The following CTNNA1 variants were observed in gnomAD, a reference collection of about 807,000 sequenced individuals.
CTNNA1 encodes the protein catenin alpha-1.
A neutral mutation model predicts 98.4 loss-of-function variants in CTNNA1; 37 were observed. The ratio of observed to expected loss-of-function variants is 0.38; its 90% CI spans 0.29 to 0.49. CTNNA1 has a LOEUF of 0.49. Ranked by LOEUF, CTNNA1 falls within the 20% of genes least tolerant of loss-of-function variation. The pLI, the probability that CTNNA1 is intolerant of heterozygous loss-of-function variation, is 0.95. For synonymous variants in CTNNA1, 404 were observed against 413.2 expected (o/e 0.98, Z 0.27); for missense variants, 761 against 1,147.2 (o/e 0.66, Z 4.86).
intron 3 of CTNNA1, among the ~76,000 whole-genome samples, chr5:138,788,696 T>C (rs1474579881): frequency 6.6e-6 from 1 of 152,196 alleles, no homozygotes; most frequent in Non-Finnish European, 1.5e-5. Context: ...AGAAGCCTCT[T>C]AAGCCGGATA....
chr5:138,834,515 T>TA (rs1761587085), intron 7 of CTNNA1, among the ~76,000 whole-genome samples: 2 of 152,182 alleles, frequency 1.3e-5, no homozygotes, highest in African/African-American at 4.8e-5. Context: ...CAAAAATACA[T>TA]ATACACACAG....
intron 5 of CTNNA1, among the ~76,000 whole-genome samples, chr5:138,812,741 A>T (rs191177249): frequency 8.8e-4 from 134 of 152,068 alleles, no homozygotes; most frequent in African/African-American, 3.2e-3. Context: ...ACTGTTTCTT[A>T]TTGTTATTAG....
intron 7 of CTNNA1, among the ~76,000 whole-genome samples, chr5:138,881,753 A>G (rs1399469029): frequency 1.4e-5 from 2 of 138,822 alleles, no homozygotes; most frequent in Non-Finnish European, 3.2e-5. Context: ...AAATGCCATA[A>G]TTCATTGTTT....
chr5:138,773,186 A>G (rs935543649), intron 1 of CTNNA1, among the ~76,000 whole-genome samples: 17 of 152,244 alleles, frequency 1.1e-4, no homozygotes, highest in African/African-American at 3.6e-4. Flanking sequence ...GTTCAGCGTC[A>G]TTCTTGGCAG....
At position 138,873,849 on chromosome 5, in the gene CTNNA1, A is replaced by G. The variant is rs1364281329; in HGVS notation, c.1063-12363A>G. The G allele has an allele frequency of 6.2e-7, 1 of 1,614,042 alleles. No individual in the cohort carries two copies. Among genetic ancestry groups the G allele is most frequent in the Non-Finnish European group, 8.5e-7 (1 of 1,179,900 alleles). On this transcript the variant is annotated intron_variant, in intron 7 of 17. Transcript: ENST00000302763. This position sits in a 1 kb window ranked among gnomAD's most constrained non-coding sequence, Gnocchi z 6.1. ...CATGTCAAGTTGCTGATTTTGTTCC[A>G]TTGTAAGAAGAGCGTGTGCAGACTG... is the stretch of plus-strand genomic sequence containing the variant.
At chr5:138,871,841 G>C (rs758713695) in intron 7 of CTNNA1, 1 of 151,698 alleles carries the variant, frequency 6.6e-6, no homozygotes, top group East Asian at 1.9e-4. Flanking sequence ...TTATATAATA[G>C]TTGGAAAGTG....
intron 7 of CTNNA1, among the ~76,000 whole-genome samples, chr5:138,858,168 C>T (rs1401217400): frequency 6.6e-6 from 1 of 151,766 alleles, no homozygotes; most frequent in Non-Finnish European, 1.5e-5. Flanking sequence ...GCTCTGTTGC[C>T]CAGGCTGAAA....
chr5:138,822,983 C>T (rs566385316), intron 5 of CTNNA1, among the ~76,000 whole-genome samples: 1 of 152,252 alleles, frequency 6.6e-6, no homozygotes, highest in East Asian at 1.9e-4. Flanking sequence ...TCCTTTCTAA[C>T]TTGGTCAATT....
intron 7 of CTNNA1, among the ~76,000 whole-genome samples, 145 bp from the exon 8 acceptor site, chr5:138,886,059 ACATAACAC>A (rs1315376748): frequency 6.6e-6 from 1 of 152,208 alleles, no homozygotes; most frequent in African/African-American, 2.4e-5. Context: ...GAATAAAGCC[ACATAACAC>A]CCCTCTGCTC....
intron 3 of CTNNA1, among the ~76,000 whole-genome samples, chr5:138,795,739 G>C (rs1298555827): frequency 1.3e-5 from 2 of 151,874 alleles, no homozygotes; most frequent in Non-Finnish European, 1.5e-5. Context: ...TGTGATGTTG[G>C]TTACTTTCTC....
At chr5:138,906,865 TG>T in intron 10 of CTNNA1, among the ~76,000 whole-genome samples, 1 of 152,212 alleles carries the variant, frequency 6.6e-6, no homozygotes, top group Non-Finnish European at 1.5e-5. Flanking sequence ...CACACAGGAC[TG>T]GGCAGGTTCA....
intron 7 of CTNNA1, among the ~76,000 whole-genome samples, chr5:138,834,957 G>A (rs763768427): frequency 1.3e-5 from 2 of 152,166 alleles, no homozygotes; most frequent in Non-Finnish European, 2.9e-5. Context: ...AATTTTTTGT[G>A]GGCAGGGGGT....
intron 3 of CTNNA1, among the ~76,000 whole-genome samples, chr5:138,791,967 A>C (rs747329084): frequency 3.3e-5 from 5 of 151,942 alleles, no homozygotes; most frequent in Non-Finnish European, 7.4e-5. Flanking sequence ...AGCTTTTTTT[A>C]AATCTTTAAA....
chr5:138,816,077 A>G (rs1759402973), intron 5 of CTNNA1, among the ~76,000 whole-genome samples: 1 of 152,160 alleles, frequency 6.6e-6, no homozygotes, highest in African/African-American at 2.4e-5. Context: ...ACCTCTCCGC[A>G]CTACCCTTCC....
At chr5:138,785,041 G>T (rs1580991977) in intron 3 of CTNNA1, among the ~76,000 whole-genome samples, 2 of 150,502 alleles carry the variant, frequency 1.3e-5, no homozygotes, top group East Asian at 3.9e-4. Context: ...ACCCAGTACA[G>T]TGAGTTTTGA....
In CTNNA1 at chr5:138,760,230, G is replaced by A. The variant is rs536094548; in HGVS notation, c.-3+6720G>A. On this transcript the variant is annotated intron_variant, in intron 1 of 17. Coordinates refer to ENST00000302763, the MANE Select transcript of CTNNA1 (RefSeq NM_001903.5). ...GCTGGTCTTGAACTCCTGACCTCAG[G>A]TGATCCACCCGCCTCGGCCTACCAA... 1.3e-4 allele frequency among the ~76,000 whole-genome samples: 19 copies of A among 151,314 alleles called. No homozygotes were observed. The South Asian group carries it at 2.9e-3, about 23-fold the overall frequency.
At position 138,783,198 on chromosome 5, in the gene CTNNA1, A is replaced by G. The variant is rs1162644114; in HGVS notation, c.127A>G (p.Asn43Asp). 5 of 1,611,672 alleles carry G rather than the reference A, an allele frequency of 3.1e-6. No individual in the cohort carries two copies. Among genetic ancestry groups the G allele is most frequent in the Non-Finnish European group, 4.2e-6 (5 of 1,178,782 alleles). ...TTAGGTTACAACCCTTGTAAACACC[A>G]ATAGTAAAGGGCCCTCTAATAAGAA... ...VTQVTTLVNT[N>D]SKGPSNKKRG... The change falls in exon 3 of 18, where the codon AAT becomes GAT. Residue 43 changes from asparagine (N) to aspartate (D), a missense_variant. By Grantham distance (23) the Asn-to-Asp change is conservative (BLOSUM62 1). This residue lies in a region of CTNNA1 where 328 missense variants were observed against 354.3 expected (regional missense o/e 0.93). Coordinates refer to ENST00000302763, the MANE Select transcript of CTNNA1 (RefSeq NM_001903.5).
intron 1 of CTNNA1, chr5:138,753,809 G>GCGC (rs1470987844): frequency 2.1e-5 from 5 of 237,324 alleles, no homozygotes; most frequent in African/African-American, 1.1e-4. Flanking sequence ...TATAGGCCCA[G>GCGC]CGCCGCCGCC....
intron 1 of CTNNA1, among the ~76,000 whole-genome samples, chr5:138,759,573 G>A (rs1752085571): frequency 6.6e-6 from 1 of 152,134 alleles, no homozygotes; most frequent in Admixed American, 6.5e-5. Flanking sequence ...AGTCATGGAG[G>A]GGGTGCAATA....
Sources: allele counts gnomAD v4.1 joint callset (sites outside exome capture counted in the v4.1 genomes callset), GRCh38; gene constraint gnomAD v4.1.1; regional missense constraint gnomAD v4.1.1; non-coding constraint Gnocchi (gnomAD v3.1); transcripts MANE v1.5; gene names NCBI Gene and HGNC (gene_info 2026-07-23, HGNC 2026-07-21).